The following CWC27 variants were observed in gnomAD, a reference collection of about 807,000 sequenced individuals.
CWC27 encodes spliceosome-associated protein CWC27 homolog.
A neutral mutation model predicts 63.6 loss-of-function variants in CWC27; 47 were observed. That is an observed-to-expected ratio of 0.74 (90% CI 0.58 to 0.94). The LOEUF is 0.94. CWC27 is among the 40% of genes least tolerant of loss of function. The pLI is 0.00. For synonymous variants in CWC27, 175 were observed against 179.8 expected, an observed-to-expected ratio of 0.97 and a Z score of 0.22; for missense variants, 495 against 554.3, an observed-to-expected ratio of 0.89 and a Z score of 1.07.
At chr5:64,991,303 T>C (rs1485744109) in intron 13 of CWC27, among the ~76,000 whole-genome samples, 1 of 151,956 alleles carries the variant, frequency 6.6e-6, no homozygotes, top group Non-Finnish European at 1.5e-5. Context: ...ATGCAGGGCT[T>C]TTGGGGATAG....
At chr5:64,836,294 A>G (rs1224826998) in intron 10 of CWC27, among the ~76,000 whole-genome samples, 1 of 151,944 alleles carries the variant, frequency 6.6e-6, no homozygotes, top group Non-Finnish European at 1.5e-5. Flanking sequence ...GCTCTAGAAG[A>G]CAATGGACAG....
intron 11 of CWC27, among the ~76,000 whole-genome samples, chr5:64,919,131 A>T (rs1477686634): frequency 6.6e-6 from 1 of 152,262 alleles, no homozygotes; most frequent in African/African-American, 2.4e-5. Flanking sequence ...CTCTAAAGAT[A>T]TAAATGCTTT....
intron 10 of CWC27, among the ~76,000 whole-genome samples, chr5:64,863,182 T>C (rs1245368272): frequency 1.3e-5 from 2 of 152,216 alleles, no homozygotes; most frequent in African/African-American, 2.4e-5. Flanking sequence ...TTTTTTTCTA[T>C]GTAGCATCAT....
chr5:65,013,224 G>A (rs1019968323), intron 13 of CWC27, among the ~76,000 whole-genome samples: 5 of 152,218 alleles, frequency 3.3e-5, no homozygotes, highest in African/African-American at 1.2e-4. Context: ...TTGGTGAGCT[G>A]TGAGAAATGA....
chr5:64,999,813 C>T (rs575209774), intron 13 of CWC27, among the ~76,000 whole-genome samples: 4 of 151,996 alleles, frequency 2.6e-5, no homozygotes, highest in Admixed American at 2.6e-4. Flanking sequence ...GTGCAGAAGT[C>T]CTTTCGATAT....
At chr5:64,812,750 T>C (rs1410627198) in intron 10 of CWC27, among the ~76,000 whole-genome samples, 2 of 152,138 alleles carry the variant, frequency 1.3e-5, no homozygotes, top group African/African-American at 4.8e-5. Flanking sequence ...CAGGAAGTGG[T>C]AGGCTCCAGG....
At chr5:64,923,087 G>A (rs1202642772) in intron 11 of CWC27, among the ~76,000 whole-genome samples, 1 of 152,158 alleles carries the variant, frequency 6.6e-6, no homozygotes, top group East Asian at 1.9e-4. Context: ...CAGGTAGGAG[G>A]TGCTGCAGCA....
intron 13 of CWC27, among the ~76,000 whole-genome samples, chr5:65,002,669 T>G (rs1181884808): frequency 1.3e-5 from 2 of 152,066 alleles, no homozygotes; most frequent in African/African-American, 2.4e-5. Context: ...TGATTTTGAT[T>G]TTTTTTTAAT....
chr5:64,894,129 C>T (rs998299166), intron 11 of CWC27, among the ~76,000 whole-genome samples: 3 of 152,060 alleles, frequency 2.0e-5, no homozygotes, highest in Admixed American at 2.0e-4. Context: ...GGGGTTTCAC[C>T]ATGTTGACCA....
At chr5:64,944,770 A>G (rs190403600) in intron 11 of CWC27, among the ~76,000 whole-genome samples, 2 of 152,268 alleles carry the variant, frequency 1.3e-5, no homozygotes, top group Non-Finnish European at 2.9e-5. Flanking sequence ...TCGTTTCATA[A>G]TTGATCTCTT....
chr5:64,859,736 A>T (rs1746353725), intron 10 of CWC27, among the ~76,000 whole-genome samples: 1 of 152,172 alleles, frequency 6.6e-6, no homozygotes, highest in South Asian at 2.1e-4. Context: ...CTAGAAGCAG[A>T]ATCAGATGAT....
chr5:64,780,692 C>T (rs1418321294), intron 2 of CWC27, among the ~76,000 whole-genome samples: 1 of 46,346 alleles, frequency 2.2e-5, no homozygotes, highest in Admixed American at 2.5e-4. Context: ...CACACGCGCA[C>T]ACGCGCGCAC....
intron 10 of CWC27, among the ~76,000 whole-genome samples, chr5:64,848,026 AG>A (rs1746035574): frequency 6.6e-6 from 1 of 152,114 alleles, no homozygotes; most frequent in African/African-American, 2.4e-5. Flanking sequence ...AGATCAGAGC[AG>A]GGATAAAGAA....
At position 64,882,657 on chromosome 5, in the gene CWC27, G is replaced by A. The variant is rs141709117; in HGVS notation, c.939-2786G>A. 8.9e-3 allele frequency among the ~76,000 whole-genome samples: 1,362 copies of A among 152,224 alleles called. 20 individuals carry two copies. Among genetic ancestry groups the A allele is most frequent in the Middle Eastern group, 0.031 (9 of 292 alleles). ...CGCCCAGGCTGGAGTGCAGTGGTGCGATCTTGGCTCACTGCAGGCTCCGCC... is the reference window on the plus strand; with the variant it reads ...CGCCCAGGCTGGAGTGCAGTGGTGCAATCTTGGCTCACTGCAGGCTCCGCC... On this transcript the variant is annotated intron_variant, in intron 10 of 13. Coordinates refer to ENST00000381070, the MANE Select transcript of CWC27 (RefSeq NM_005869.4).
At chr5:64,889,668 G>A (rs1747176097) in intron 11 of CWC27, among the ~76,000 whole-genome samples, 1 of 152,204 alleles carries the variant, frequency 6.6e-6, no homozygotes, top group South Asian at 2.1e-4. Context: ...GCTCACGCCT[G>A]TAATCCCAGC....
At chr5:64,982,003 A>G (rs1327649923) in intron 13 of CWC27, among the ~76,000 whole-genome samples, 1 of 152,208 alleles carries the variant, frequency 6.6e-6, no homozygotes, top group African/African-American at 2.4e-5. Context: ...GACAGTTTGC[A>G]TCTGCTAGAG....
chr5:64,786,269 C>T (rs1342323042), intron 5 of CWC27, among the ~76,000 whole-genome samples: 1 of 151,084 alleles, frequency 6.6e-6, no homozygotes, highest in Non-Finnish European at 1.5e-5. Flanking sequence ...GTATCATTTA[C>T]ATTTTCTTAA....
At chr5:64,983,508 T>C (rs1749364965) in intron 13 of CWC27, among the ~76,000 whole-genome samples, 1 of 152,198 alleles carries the variant, frequency 6.6e-6, no homozygotes, top group African/African-American at 2.4e-5. Context: ...ACAAGTCATC[T>C]CTGGTCATTG....
chr5:64,796,087 G>A (rs902340288), intron 7 of CWC27, among the ~76,000 whole-genome samples: 2 of 151,366 alleles, frequency 1.3e-5, no homozygotes, highest in African/African-American at 4.9e-5. Context: ...TGACCAGTCA[G>A]CAGTGATGTC....
Sources: gnomAD v4.1 joint callset for allele counts (sites outside exome capture counted in the v4.1 genomes callset) on GRCh38, gnomAD v4.1.1 for gene constraint, MANE v1.5 for transcripts, NCBI Gene and HGNC (gene_info 2026-07-23, HGNC 2026-07-21) for gene names.